Variants in ACBD6 observed in about 807,000 individuals in gnomAD.
The protein encoded by ACBD6 is acyl-CoA-binding domain-containing protein 6.
In ACBD6, 28 loss-of-function variants were observed where a neutral mutation model predicts 37.2. The observed-to-expected ratio is 0.75, with a 90% CI of 0.56 to 1.03. The LOEUF (loss-of-function observed/expected upper bound fraction) is 1.03. Ranked by LOEUF, ACBD6 falls within the 50% of genes least tolerant of loss-of-function variation. The pLI is 0.00. For synonymous variants in ACBD6, 113 were observed against 126.8 expected (o/e 0.89, Z 0.73); for missense variants, 340 against 337.4 (o/e 1.01, Z -0.06).
chr1:180,269,737 G>C (rs961884762), exon 14 of ACBD6: 2 of 152,234 alleles, frequency 1.3e-5, no homozygotes, highest in Non-Finnish European at 2.9e-5. Context: ...ATTCAAAGTT[G>C]CATCAGACAC....
At chr1:180,373,701 C>T (rs1653340837) in intron 6 of ACBD6, among the ~76,000 whole-genome samples, 2 of 151,880 alleles carry the variant, frequency 1.3e-5, no homozygotes, top group Admixed American at 6.6e-5. Flanking sequence ...ATTTAACCTC[C>T]AGACATTTAT....
intron 7 of ACBD6, among the ~76,000 whole-genome samples, chr1:180,295,207 A>G (rs778820512): frequency 1.1e-4 from 17 of 151,808 alleles, no homozygotes; most frequent in Non-Finnish European, 2.2e-4. Flanking sequence ...ACTGATATGA[A>G]ATCTTTCTTC....
At chr1:180,284,612 C>T (rs1179139622), downstream of ACBD6, among the ~76,000 whole-genome samples, 4 of 151,728 alleles carry the variant, frequency 2.6e-5, no homozygotes, top group Non-Finnish European at 5.9e-5. Context: ...TCAGGTGATC[C>T]GCCCGCCTCA....
chr1:180,492,237 G>T, intron 3 of ACBD6, 32 bp downstream of exon 3: 1 of 1,513,040 alleles, frequency 6.6e-7, no homozygotes, highest in Non-Finnish European at 9.2e-7. Context: ...ATAAGTTTTT[G>T]GAAAGTATTA....
intron 7 of ACBD6, among the ~76,000 whole-genome samples, chr1:180,300,363 C>G (rs1477630968): frequency 6.6e-6 from 1 of 152,100 alleles, no homozygotes; most frequent in Non-Finnish European, 1.5e-5. Flanking sequence ...AGCAGATCCT[C>G]TGGCATATAA....
At chr1:180,436,591 A>T (rs13374104) in intron 3 of ACBD6, among the ~76,000 whole-genome samples, 1 of 152,164 alleles carries the variant, frequency 6.6e-6, no homozygotes, top group Non-Finnish European at 1.5e-5. Context: ...TCCACCTATA[A>T]GCTTAGAAGT....
chr1:180,291,935 G>C (rs1925339), intron 7 of ACBD6, among the ~76,000 whole-genome samples: 1 of 151,916 alleles, frequency 6.6e-6, no homozygotes, highest in Non-Finnish European at 1.5e-5. Flanking sequence ...GAAAAGGCTA[G>C]TCTTCCCTCC....
intron 6 of ACBD6, among the ~76,000 whole-genome samples, chr1:180,374,661 T>C (rs1653371677): frequency 6.6e-6 from 1 of 152,194 alleles, no homozygotes; most frequent in South Asian, 2.1e-4. Context: ...AGCCCAGACT[T>C]TTCAAAAGAC....
At chr1:180,336,232 C>T (rs1262573437) in intron 6 of ACBD6, among the ~76,000 whole-genome samples, 4 of 148,862 alleles carry the variant, frequency 2.7e-5, no homozygotes, top group Non-Finnish European at 5.9e-5. Flanking sequence ...TCCCACTGCA[C>T]TTATTCCAAA....
chr1:180,461,751 G>A (rs893626310), intron 3 of ACBD6, among the ~76,000 whole-genome samples: 16 of 152,084 alleles, frequency 1.1e-4, no homozygotes, highest in Admixed American at 6.5e-5. Context: ...CCTTGCAGGA[G>A]GTCCTTGCAG....
At chr1:180,389,815 T>A (rs1351631397) in intron 6 of ACBD6, among the ~76,000 whole-genome samples, 5 of 152,244 alleles carry the variant, frequency 3.3e-5, no homozygotes, top group African/African-American at 1.2e-4. Context: ...GAGAAGTGTC[T>A]GTTCATGTCC....
At chr1:180,278,076 T>TATAC (rs1649145979) in intron 9 of ACBD6, 1 of 152,200 alleles carries the variant, frequency 6.6e-6, no homozygotes, top group African/African-American at 2.4e-5. Context: ...GGCTGTGTGT[T>TATAC]GTATGACAGT....
At chr1:180,501,332 T>C (rs983221601) in intron 1 of ACBD6, among the ~76,000 whole-genome samples, 2 of 82,572 alleles carry the variant, frequency 2.4e-5, no homozygotes, top group Non-Finnish European at 4.7e-5. Context: ...GCATTTTGCA[T>C]TGCATCACAT....
chr1:180,465,949 C>T (rs1359580308), intron 3 of ACBD6, among the ~76,000 whole-genome samples: 1 of 151,586 alleles, frequency 6.6e-6, no homozygotes, highest in African/African-American at 2.4e-5. Flanking sequence ...TAAGTGGGAG[C>T]TACATAAGAA....
At chr1:180,401,052 G>A (rs951918922) in intron 5 of ACBD6, among the ~76,000 whole-genome samples, 5 of 152,012 alleles carry the variant, frequency 3.3e-5, no homozygotes, top group African/African-American at 1.2e-4. Context: ...ACCAAAATAA[G>A]TGACAATTCT....
intron 3 of ACBD6, among the ~76,000 whole-genome samples, chr1:180,484,618 A>G (rs1233374141): frequency 6.6e-6 from 1 of 152,240 alleles, no homozygotes; most frequent in Non-Finnish European, 1.5e-5. Flanking sequence ...AGATAAATAT[A>G]TAAATACTGA....
At chr1:180,305,815 C>A (rs1430025217) in intron 7 of ACBD6, among the ~76,000 whole-genome samples, 2 of 151,984 alleles carry the variant, frequency 1.3e-5, no homozygotes, top group Non-Finnish European at 2.9e-5. Flanking sequence ...ATGTTTATTG[C>A]AGCACTATTC....
chr1:180,462,756 A>G (rs1386005200), intron 3 of ACBD6, among the ~76,000 whole-genome samples: 1 of 152,208 alleles, frequency 6.6e-6, no homozygotes, highest in Non-Finnish European at 1.5e-5. Flanking sequence ...AGAACTCTCC[A>G]TCCCAAAACA....
At chr1:180,349,532 G>C (rs1424063773) in intron 6 of ACBD6, among the ~76,000 whole-genome samples, 1 of 151,848 alleles carries the variant, frequency 6.6e-6, no homozygotes, top group Admixed American at 6.6e-5. Context: ...TGGGATTACA[G>C]GCGTGAGCCA....
Sources: gnomAD v4.1 joint callset for allele counts (sites outside exome capture counted in the v4.1 genomes callset) on GRCh38, gnomAD v4.1.1 for gene constraint, MANE v1.5 for transcripts, NCBI Gene and HGNC (gene_info 2026-07-23, HGNC 2026-07-21) for gene names.